The following SPTA1 variants were observed in gnomAD, a reference collection of about 807,000 sequenced individuals.
SPTA1 encodes the protein spectrin alpha chain, erythrocytic 1.
In SPTA1, 177 loss-of-function variants were observed where a neutral mutation model predicts 324.7. The observed-to-expected ratio is 0.55, with a 90% CI of 0.48 to 0.62. The LOEUF (loss-of-function observed/expected upper bound fraction) is 0.62, where lower values mean the gene tolerates loss of function less well. Ranked by LOEUF, SPTA1 falls within the 20% of genes least tolerant of loss-of-function variation. The pLI is 0.00. For missense variants in SPTA1, 3,162 were observed against 2,883.6 expected, an observed-to-expected ratio of 1.10 and a Z score of -2.21; for synonymous variants, 1,195 against 1,041.3, an observed-to-expected ratio of 1.15 and a Z score of -2.84.
At chr1:158,685,487 C>G in intron 1 of SPTA1, 140 bp from the exon 2 acceptor site, 1 of 1,216,372 alleles carries the variant, frequency 8.2e-7, no homozygotes, top group South Asian at 1.4e-5. Flanking sequence ...GTCAGAAGAG[C>G]TGTAGTATAT....
chr1:158,674,764 T>A, intron 8 of SPTA1, 89 bp from the exon 9 acceptor site: 1 of 1,521,832 alleles, frequency 6.6e-7, no homozygotes, highest in Non-Finnish European at 9.0e-7. Context: ...TGAGGTAAGA[T>A]GTGTGAGATG....
In SPTA1 at chr1:158,661,584, T is replaced by C. The variant is rs60970031; in HGVS notation, c.2465-175A>G. The C allele has an allele frequency of 0.026, 19,971 of 758,592 alleles. 2,724 individuals are homozygous for C. In the African/African-American group the frequency reaches 0.3, roughly 12 times the overall value. The allele number at this position is 758,592 out of a possible 1,614,324, so 47.0% of individuals were successfully genotyped here. ...ATTTCACTCTACTTATCTTTGTTCT[T>C]CCCCTGGCCTCTTTTTATTAATAAA... On this transcript the variant is annotated intron_variant, in intron 17 of 51. Transcript: ENST00000643759.
chr1:158,677,582 G>T (rs891343591), intron 7 of SPTA1, 108 bp downstream of exon 7: 19 of 1,370,600 alleles, frequency 1.4e-5, no homozygotes, highest in Non-Finnish European at 1.6e-5. Flanking sequence ...CTTCTTCATT[G>T]AAAACAGTGA....
intron 39 of SPTA1, among the ~76,000 whole-genome samples, chr1:158,630,626 A>G (rs1309066893): frequency 6.6e-6 from 1 of 152,060 alleles, no homozygotes; most frequent in Non-Finnish European, 1.5e-5. Context: ...AACAAAAAGA[A>G]AAAATAAACA....
intron 39 of SPTA1, among the ~76,000 whole-genome samples, chr1:158,629,185 A>C (rs12141691): frequency 0.28 from 23,604 of 82,906 alleles, 1,972 homozygotes; most frequent in South Asian, 0.36. Context: ...GACAAAATAT[A>C]TCTCTATCTA....
chr1:158,623,277 G>A (rs553269781), intron 42 of SPTA1, 85 bp from the exon 43 acceptor site: 1 of 1,126,270 alleles, frequency 8.9e-7, no homozygotes, highest in South Asian at 1.2e-5. Flanking sequence ...TTTAATCATA[G>A]ATAAGGCTAG....
chr1:158,655,611 A>T (rs1349360260), intron 20 of SPTA1, among the ~76,000 whole-genome samples: 1 of 152,190 alleles, frequency 6.6e-6, no homozygotes, highest in Non-Finnish European at 1.5e-5. Context: ...GTAAATATAC[A>T]CTGATTTGAC....
rs2101839005 is a variant in SPTA1, at chr1:158,645,571, C to T, written c.3920G>A (p.Ser1307Asn). ...KARDLQNWIS[S>N]IGGMVSSQEL... ...CTGTGATGATACCATGCCACCAATG[C>T]TACTGATCCAGTTCTGCAGATCCCT... The change falls in exon 28 of 52, where the codon AGC becomes AAC. Residue 1307 changes from serine to asparagine, a missense_variant. Coordinates refer to ENST00000643759, the MANE Select transcript of SPTA1 (RefSeq NM_003126.4). 6.2e-7 allele frequency: 1 copy of T among 1,614,026 alleles called. No individual in the cohort carries two copies. The highest frequency in any genetic ancestry group is 8.5e-7 in the Non-Finnish European group (1 of 1,179,924).
intron 26 of SPTA1, among the ~76,000 whole-genome samples, chr1:158,647,982 C>T (rs1392078882): frequency 6.6e-6 from 1 of 152,120 alleles, no homozygotes; most frequent in Non-Finnish European, 1.5e-5. Flanking sequence ...TTAGTGGCAA[C>T]CTCAATTAGG....
intron 47 of SPTA1, among the ~76,000 whole-genome samples, chr1:158,616,650 G>C (rs542259764): frequency 6.6e-6 from 1 of 152,118 alleles, no homozygotes; most frequent in African/African-American, 2.4e-5. Context: ...TTAATCCATT[G>C]ATGAGCAGTT....
chr1:158,619,197 T>C (rs773066752), intron 45 of SPTA1, 25 bp downstream of exon 45: 14 of 1,604,202 alleles, frequency 8.7e-6, no homozygotes, highest in Non-Finnish European at 1.2e-5. Context: ...ACAGGGGTCA[T>C]GGTTTGGGAT....
intron 11 of SPTA1, among the ~76,000 whole-genome samples, 158 bp downstream of exon 11, chr1:158,671,901 A>G (rs1654052479): frequency 6.6e-6 from 1 of 152,222 alleles, no homozygotes; most frequent in Non-Finnish European, 1.5e-5. Flanking sequence ...AGCCTTATAG[A>G]AAGGGCCCAT....
intron 39 of SPTA1, among the ~76,000 whole-genome samples, chr1:158,631,333 C>A (rs1340933754): frequency 1.3e-5 from 2 of 152,074 alleles, no homozygotes; most frequent in Non-Finnish European, 2.9e-5. Context: ...TGGGGGGCCA[C>A]TCTAAGTGAA....
Position 158,636,720 on chromosome 1 carries a change from T to C in SPTA1, c.5231A>G (p.Asp1744Gly). The C allele has an allele frequency of 1.9e-6, 3 of 1,614,128 alleles. No homozygotes were observed. Among genetic ancestry groups the C allele is most frequent in the Non-Finnish European group, 2.5e-6 (3 of 1,180,014 alleles). The change falls in exon 37 of 52, where the codon GAT (aspartate) becomes GGT (glycine). Residue 1744 changes from aspartate (D) to glycine (G), a missense_variant. By Grantham distance (94) the Asp-to-Gly change is moderately conservative. Coordinates refer to ENST00000643759, the MANE Select transcript of SPTA1 (RefSeq NM_003126.4). ...CAGCAAGTTCTGAACCCCCTGAAGA[T>C]CTCTCCCATAGTCCTGGGAGCTCAC... ...IRVSSQDYGR[D>G]LQGVQNLLKK...
intron 39 of SPTA1, among the ~76,000 whole-genome samples, chr1:158,634,033 T>C (rs770899346): frequency 2.6e-5 from 4 of 152,198 alleles, no homozygotes; most frequent in Admixed American, 6.5e-5. Context: ...AAGATCACAC[T>C]GATTAATTGT....
intron 41 of SPTA1, 21 bp from the exon 42 acceptor site, chr1:158,626,243 A>T (rs1219898645): frequency 6.8e-6 from 11 of 1,611,072 alleles, no homozygotes; most frequent in Non-Finnish European, 9.3e-6. Context: ...AAAACAATTA[A>T]GAAGAGAAAG....
Position 158,685,112 on chromosome 1 carries a change from A to G in SPTA1, c.260T>C (p.Ile87Thr), listed in dbSNP as rs757763837. 25 of 1,613,510 alleles carry G rather than the reference A, an allele frequency of 1.5e-5. No homozygotes were observed. The Admixed American group carries it at 3.2e-4, about 20-fold the overall frequency. ...CAATCAAGAGAACTGAGTGACCTGT[A>G]TATTAGTTGGGTCTTCATAGCTCTT... ...TDKSYEDPTN[I>T]QGKYQKHQSL... The change falls in exon 2 of 52, where the codon ATA becomes ACA. Residue 87 changes from isoleucine to threonine, a missense_variant. By Grantham distance (89) the Ile-to-Thr change is moderately conservative. Coordinates refer to ENST00000643759, the MANE Select transcript of SPTA1 (RefSeq NM_003126.4).
In SPTA1 at chr1:158,619,326, C is replaced by A. The variant is rs769240133; in HGVS notation, c.6426G>T (p.Glu2142Asp). The A allele has an allele frequency of 6.2e-7, 1 of 1,614,114 alleles. No homozygotes were observed. The highest frequency in any genetic ancestry group is 1.1e-5 in the South Asian group (1 of 91,080). Residue 2142 changes from glutamate (E) to aspartate (D), a missense_variant, in exon 45 of 52, where the codon GAG becomes GAT. Transcript: ENST00000643759. ...KHLSDIIEER[E>D]QELQKEEARQ... ...TTGCCTCTTCCTTTTGCAGCTCCTG[C>A]TCCCGTTCCTAAAACCCCAAATCAC...
Position 158,612,931 on chromosome 1 carries a change from A to G in SPTA1, c.7020T>C (p.Thr2340=). 6.2e-7 allele frequency: 1 copy of G among 1,613,984 alleles called. No homozygotes were observed. Among genetic ancestry groups the G allele is most frequent in the Non-Finnish European group, 8.5e-7 (1 of 1,179,906 alleles). Residue 2340 remains threonine, a synonymous_variant, in exon 51 of 52, where the codon ACT becomes ACC. Coordinates refer to ENST00000643759, the MANE Select transcript of SPTA1 (RefSeq NM_003126.4). ...CTGACTCCTTGTCAATCAGGAAAGC[A>G]GTATAGTCCTCCAGTGAGACATAGC... ...RKGYVSLEDY[T]AFLIDKESEN...
Sources: allele counts gnomAD v4.1 joint callset (sites outside exome capture counted in the v4.1 genomes callset), GRCh38; gene constraint gnomAD v4.1.1; transcripts MANE v1.5; gene names NCBI Gene and HGNC (gene_info 2026-07-23, HGNC 2026-07-21).